The following ABCA6 variants were observed in gnomAD, a reference collection of about 807,000 sequenced individuals.
ABCA6 encodes the protein ATP-binding cassette sub-family A member 6.
Under a neutral mutation model 191.2 loss-of-function variants are expected in ABCA6, and 164 were observed. The ratio of observed to expected loss-of-function variants is 0.86; its 90% CI spans 0.76 to 0.98. The LOEUF is 0.98. Among genes scored for constraint, ABCA6 ranks in the 50% least tolerant of loss-of-function variants. The pLI is 0.00. For missense variants in ABCA6, 1,958 were observed against 1,894.1 expected, an observed-to-expected ratio of 1.03 and a Z score of -0.63; for synonymous variants, 636 against 647.7, an observed-to-expected ratio of 0.98 and a Z score of 0.27.
chr17:69,134,632 C>T lies in ABCA6; in HGVS notation c.564+7G>A, dbSNP rs769970581. ...TAATTAGTAGAACTTTTCAATCAAG[C>T]ACTTACTTCTATAATGGCAGTATTA... On this transcript the variant is annotated splice_region_variant and intron_variant, in intron 5 of 38. Transcript: ENST00000284425. 41 of 1,595,496 alleles carry T rather than the reference C, an allele frequency of 2.6e-5. 2 individuals are homozygous for T. In the South Asian group the frequency reaches 4.6e-4, roughly 18 times the overall value.
chr17:69,128,874 A>G, intron 7 of ABCA6, 70 bp from the exon 8 acceptor site: 1 of 1,234,998 alleles, frequency 8.1e-7, no homozygotes, highest in Admixed American at 2.4e-5. Context: ...TGGCAGCCCA[A>G]TCAAATAAGG....
At chr17:69,096,955 T>C (rs1053428532) in intron 23 of ABCA6, among the ~76,000 whole-genome samples, 154 bp from the exon 24 acceptor site, 1 of 152,186 alleles carries the variant, frequency 6.6e-6, no homozygotes, top group Non-Finnish European at 1.5e-5. Context: ...CTTAGTAACA[T>C]GAGGCTTATA....
chr17:69,134,432 C>A (rs1306527200), intron 5 of ABCA6, among the ~76,000 whole-genome samples: 1 of 152,170 alleles, frequency 6.6e-6, no homozygotes, highest in Non-Finnish European at 1.5e-5. Flanking sequence ...GAGGAATGGA[C>A]CTTTACCAGT....
At chr17:69,134,236 T>C (rs980203625) in intron 5 of ABCA6, among the ~76,000 whole-genome samples, 5 of 152,160 alleles carry the variant, frequency 3.3e-5, no homozygotes, top group African/African-American at 1.2e-4. Context: ...TCCTAAATTC[T>C]TGTTGCAACT....
Position 69,106,183 on chromosome 17 carries a change from G to GTC in ABCA6, c.2416_2417dup (p.Asp806GlufsTer23). The GTC allele has an allele frequency of 6.2e-7, 1 of 1,613,036 alleles. No individual in the cohort carries two copies. Among genetic ancestry groups the GTC allele is most frequent in the South Asian group, 1.1e-5 (1 of 90,874 alleles). On this transcript the variant is annotated frameshift_variant, in exon 19 of 39. Coordinates refer to ENST00000284425, the MANE Select transcript of ABCA6 (RefSeq NM_080284.3). LOFTEE classifies it high-confidence loss of function. Reference sequence around the variant, plus strand: ...GCTCCATTTCATTGAGGCTTTCTGAGTCTCTTATCATCTCCACTTGTTCGA... The same window carrying GTC: ...GCTCCATTTCATTGAGGCTTTCTGAGTCTCTCTTATCATCTCCACTTGTTCGA...
intron 3 of ABCA6, 148 bp downstream of exon 3, chr17:69,137,148 G>T: frequency 2.7e-6 from 2 of 752,978 alleles, no homozygotes; most frequent in Non-Finnish European, 2.1e-6. Context: ...GTGAGAGAAA[G>T]CAATAATCTA....
rs953823851 is a variant in ABCA6, at chr17:69,115,584, GT to G, written c.1496-99del. On this transcript the variant is annotated intron_variant, in intron 11 of 38. Coordinates refer to ENST00000284425, the MANE Select transcript of ABCA6 (RefSeq NM_080284.3). ...ACATAGAACAAGGCTATTTAGTTTAGTGGCATATTTCTCAGCATTTCAATAC... is the reference window on the plus strand; with the variant it reads ...ACATAGAACAAGGCTATTTAGTTTAGGGCATATTTCTCAGCATTTCAATAC... 3.4e-5 allele frequency: 25 copies of G among 738,612 alleles called. No individual in the cohort carries two copies. The African/African-American group carries it at 4.4e-4, about 13-fold the overall frequency. The allele number at this position is 738,612 out of a possible 1,614,324, so 45.8% of individuals were successfully genotyped here. A position where few individuals can be genotyped will look rare whatever the true frequency, so the allele number is the denominator to read the frequency against.
rs200983324 is a variant in ABCA6 at position 69,096,228 on chromosome 17, T to C, written c.3408+12A>G. ...AACACTATTTCTCTATTTGTATGTA[T>C]TATATACTTACAAAAAAGAAGTAAA... On this transcript the variant is annotated intron_variant, in intron 25 of 38. Coordinates refer to ENST00000284425, the MANE Select transcript of ABCA6 (RefSeq NM_080284.3). 10 of 1,335,288 alleles carry C rather than the reference T, an allele frequency of 7.5e-6. No homozygotes were observed. The Admixed American group carries it at 1.6e-4, about 22-fold the overall frequency. 82.7% of individuals were successfully genotyped at this position (1,335,288 alleles called of 1,614,324 possible). A position where few individuals can be genotyped will look rare whatever the true frequency, so the allele number is the denominator to read the frequency against.
intron 8 of ABCA6, among the ~76,000 whole-genome samples, chr17:69,125,590 T>A (rs1039125618): frequency 1.3e-5 from 2 of 152,092 alleles, no homozygotes; most frequent in African/African-American, 4.8e-5. Flanking sequence ...ATCTGCACTT[T>A]ACATATGATA....
intron 8 of ABCA6, among the ~76,000 whole-genome samples, chr17:69,127,584 C>G (rs531571633): frequency 6.6e-6 from 1 of 152,150 alleles, no homozygotes; most frequent in South Asian, 2.1e-4. Flanking sequence ...CATTGCATAA[C>G]CATCAGAATA....
At chr17:69,139,062 A>C (rs2073990081) in intron 2 of ABCA6, among the ~76,000 whole-genome samples, 1 of 152,230 alleles carries the variant, frequency 6.6e-6, no homozygotes, top group African/African-American at 2.4e-5. Context: ...TAAAACACCA[A>C]AAGCAATGGC....
intron 13 of ABCA6, among the ~76,000 whole-genome samples, 176 bp downstream of exon 13, chr17:69,114,586 A>G (rs943976964): frequency 2.0e-5 from 3 of 152,140 alleles, no homozygotes; most frequent in Non-Finnish European, 4.4e-5. Context: ...AAAATCCAAA[A>G]TGATTCATAT....
rs758195319 is a variant in ABCA6, at chr17:69,137,519, G to T, written c.97-19C>A. On this transcript the variant is annotated intron_variant, in intron 2 of 38. Transcript: ENST00000284425. ...CCCATTCCTGTAATGCATATAAAAA[G>T]AAAAATAATGAATTAAGGTTGCATT... 2 of 1,591,546 alleles carry T rather than the reference G, an allele frequency of 1.3e-6. No individual in the cohort carries two copies. Among genetic ancestry groups the T allele is most frequent in the Non-Finnish European group, 1.7e-6 (2 of 1,169,408 alleles).
chr17:69,110,822 C>T lies in ABCA6; in HGVS notation c.2251G>A (p.Glu751Lys). The stretch of plus-strand genomic sequence containing the variant: ...TTACCTGGAAATGTATTTGTCCTTT[C>T]CAGTGGCAAAGTATATACAAGCTTT... ...KEKLVYTLPL[E>K]RTNTFPDLFS... Residue 751 changes from glutamate (E) to lysine (K), a missense_variant, in exon 17 of 39, where the codon GAA becomes AAA. Physicochemically the swap from Glu to Lys is moderately conservative, Grantham distance 56. Transcript: ENST00000284425. The T allele has an allele frequency of 6.2e-7, 1 of 1,608,746 alleles. No individual in the cohort carries two copies. Among genetic ancestry groups the T allele is most frequent in the Admixed American group, 1.7e-5 (1 of 59,168 alleles).
chr17:69,082,979 G>C lies in ABCA6; in HGVS notation c.4510C>G (p.Leu1504Val). Residue 1504 changes from leucine (L) to valine (V), a missense_variant, in exon 36 of 39, where the codon CTT (leucine) becomes GTT (valine). Transcript: ENST00000284425. ...AGCTCTAGAATGTAATCCTTGCCAA[G>C]TTTGTTTTTCAGGTGTTGGATGGAG... ...IGSIQHLKNKLGKDYILELKV... is the reference protein window; with the variant it reads ...IGSIQHLKNKVGKDYILELKV... The C allele has an allele frequency of 6.2e-7, 1 of 1,614,182 alleles. No homozygotes were observed. The highest frequency in any genetic ancestry group is 1.3e-5 in the African/African-American group (1 of 75,052).
intron 18 of ABCA6, among the ~76,000 whole-genome samples, chr17:69,106,924 A>C (rs2073319623): frequency 6.6e-6 from 1 of 152,304 alleles, no homozygotes; most frequent in East Asian, 1.9e-4. Flanking sequence ...CCAATCTTTG[A>C]AAAGCAAAGA....
intron 28 of ABCA6, 73 bp from the exon 29 acceptor site, chr17:69,087,546 G>T: frequency 6.4e-7 from 1 of 1,560,956 alleles, no homozygotes; most frequent in South Asian, 1.2e-5. Flanking sequence ...CAGCATTCCT[G>T]TGATTTTACT....
At chr17:69,139,934 C>T (rs2074003089) in intron 2 of ABCA6, among the ~76,000 whole-genome samples, 1 of 111,212 alleles carries the variant, frequency 9.0e-6, no homozygotes, top group Non-Finnish European at 1.7e-5. Flanking sequence ...ACATCACACT[C>T]TGGGGCCTGT....
intron 36 of ABCA6, among the ~76,000 whole-genome samples, chr17:69,081,557 C>T (rs761302850): frequency 1.8e-4 from 27 of 151,908 alleles, no homozygotes; most frequent in Non-Finnish European, 3.5e-4. Flanking sequence ...CAGCAATTTG[C>T]TTTACATTTA....
Sources: gnomAD v4.1 joint callset for allele counts (sites outside exome capture counted in the v4.1 genomes callset) on GRCh38, gnomAD v4.1.1 for gene constraint, MANE v1.5 for transcripts, NCBI Gene and HGNC (gene_info 2026-07-23, HGNC 2026-07-21) for gene names.